Variants in LCOR observed in about 807,000 individuals in gnomAD.
LCOR encodes the protein ligand dependent nuclear receptor corepressor.
In LCOR, 14 loss-of-function variants were observed where a neutral mutation model predicts 64.4. The ratio of observed to expected loss-of-function variants is 0.22; its 90% CI spans 0.14 to 0.34. The LOEUF (loss-of-function observed/expected upper bound fraction) is 0.34. LCOR is among the 10% of genes least tolerant of loss of function. LCOR has a pLI of 1.00. For missense variants in LCOR, 1,686 were observed against 1,765.3 expected (o/e 0.96, Z 0.80); for synonymous variants, 643 against 642.5 (o/e 1.00, Z -0.01).
intron 2 of LCOR, among the ~76,000 whole-genome samples, chr10:96,891,198 C>A (rs1445112085): frequency 6.6e-6 from 1 of 151,914 alleles, no homozygotes; most frequent in Non-Finnish European, 1.5e-5. Context: ...AGTTTTCATA[C>A]TTGTTATAGG....
At chr10:96,956,674 T>C in intron 7 of LCOR, 2 of 985,916 alleles carry the variant, frequency 2.0e-6, no homozygotes, top group Non-Finnish European at 2.4e-6. Flanking sequence ...TGAGATTTTC[T>C]AAGGGTAGAA....
intron 7 of LCOR, among the ~76,000 whole-genome samples, chr10:96,977,107 G>A (rs1390823237): frequency 6.6e-6 from 1 of 152,154 alleles, no homozygotes; most frequent in East Asian, 1.9e-4. Context: ...AACATATCAG[G>A]AACTAAGGAA....
At chr10:96,861,702 C>A (rs1845890659) in intron 2 of LCOR, among the ~76,000 whole-genome samples, 1 of 152,126 alleles carries the variant, frequency 6.6e-6, no homozygotes, top group Non-Finnish European at 1.5e-5. Context: ...TGTGCCATCA[C>A]ACCCGGCTAA....
chr10:96,859,478 C>T (rs1845853768), intron 2 of LCOR, among the ~76,000 whole-genome samples: 2 of 151,934 alleles, frequency 1.3e-5, no homozygotes, highest in African/African-American at 4.8e-5. Flanking sequence ...TCCCAAAGTG[C>T]TAGGATTATA....
At chr10:96,970,748 C>T (rs923955279) in intron 7 of LCOR, among the ~76,000 whole-genome samples, 21 of 151,714 alleles carry the variant, frequency 1.4e-4, no homozygotes, top group Admixed American at 1.3e-4. Context: ...CAGCCTCTGC[C>T]TCCCGAGTTC....
chr10:96,890,504 C>T (rs957833575), intron 2 of LCOR, among the ~76,000 whole-genome samples: 7 of 152,162 alleles, frequency 4.6e-5, no homozygotes, highest in African/African-American at 1.7e-4. Context: ...ATCATGTCAT[C>T]TATAAAAGTA....
chr10:96,967,397 G>A (rs1265411991), intron 7 of LCOR, among the ~76,000 whole-genome samples: 1 of 152,178 alleles, frequency 6.6e-6, no homozygotes, highest in Non-Finnish European at 1.5e-5. Flanking sequence ...CTCCCAAAGT[G>A]CTGGGATTAC....
Position 96,952,203 on chromosome 10 carries a change from G to C in LCOR, c.332+7G>C, listed in dbSNP as rs1564636229. ...CCAGTACTCAAGGGAACGGGTAAGG[G>C]AGAATATTTGTAGCCTTACACAGTT... is the stretch of plus-strand genomic sequence containing the variant. On this transcript the variant is annotated splice_region_variant and intron_variant, in intron 7 of 7. Coordinates refer to ENST00000421806, the MANE Select transcript of LCOR (RefSeq NM_001346516.2). 1.3e-6 allele frequency: 2 copies of C among 1,583,352 alleles called. No homozygotes were observed. The highest frequency in any genetic ancestry group is 4.5e-5 in the East Asian group (2 of 44,730).
At position 96,985,814 on chromosome 10, in the gene LCOR, A is replaced by G. The variant is rs1002956323; in HGVS notation, c.*680A>G. The G allele has an allele frequency of 6.0e-6, 1 of 167,092 alleles. No individual in the cohort carries two copies. Among genetic ancestry groups the G allele is most frequent in the Non-Finnish European group, 1.5e-5 (1 of 68,122 alleles). The allele number at this position is 167,092 out of a possible 1,614,324, so 10.4% of individuals were successfully genotyped here. ...AGCATGTATTCTAAATTATGTGCCC[A>G]TGGGACAAGAGATATGTCACAAGTG... On this transcript the variant is annotated 3_prime_UTR_variant, in exon 8 of 8. Transcript: ENST00000421806.
chr10:96,937,196 G>A (rs1403695581), intron 4 of LCOR, among the ~76,000 whole-genome samples: 1 of 152,166 alleles, frequency 6.6e-6, no homozygotes, highest in East Asian at 1.9e-4. Context: ...GATGGAGACA[G>A]AGATTGGAGT....
At chr10:96,907,050 G>C (rs1453426129) in intron 2 of LCOR, among the ~76,000 whole-genome samples, 1 of 152,190 alleles carries the variant, frequency 6.6e-6, no homozygotes, top group Non-Finnish European at 1.5e-5. Flanking sequence ...GTTCTTGAAT[G>C]TGCTCAGAAT....
chr10:96,961,063 G>A (rs1009530222), intron 7 of LCOR: 32 of 151,974 alleles, frequency 2.1e-4, no homozygotes, highest in Admixed American at 2.0e-3. Flanking sequence ...GGAGTAGGAT[G>A]GAAAAAGCAT....
chr10:96,981,354 C>T lies in LCOR; in HGVS notation c.894C>T (p.Asp298=), dbSNP rs373132958. Residue 298 remains aspartate (D), a synonymous_variant, in exon 8 of 8, where the codon GAC becomes GAT. Coordinates refer to ENST00000421806, the MANE Select transcript of LCOR (RefSeq NM_001346516.2). ...GGCAGACCACTGGACAAGAGCAAGA[C>T]ACAAATGTGAACATATGTGAGGATG... The part of the protein sequence containing the change: ...LEGQTTGQEQ[D]TNVNICEDGK... 5.8e-5 allele frequency: 94 copies of T among 1,613,728 alleles called. No individual in the cohort carries two copies. The highest frequency in any genetic ancestry group is 7.7e-5 in the Non-Finnish European group (91 of 1,179,968).
chr10:96,891,132 G>C (rs536679496), intron 2 of LCOR, among the ~76,000 whole-genome samples: 7 of 152,078 alleles, frequency 4.6e-5, no homozygotes, highest in African/African-American at 1.4e-4. Flanking sequence ...TGTTTGGTAG[G>C]ATTCACCAAT....
chr10:96,983,514 T>C lies in LCOR; in HGVS notation c.3054T>C (p.Ser1018=). ...GCAGCTCTCTTGGGTTGTCGAGTAG[T>C]GGAAGTGGTGATGCTGCTAGGGCAC... The part of the protein sequence containing the change: ...APCSSLGLSS[S]GSGDAARAPK... Residue 1018 remains serine, a synonymous_variant, in exon 8 of 8, where the codon AGT becomes AGC. Transcript: ENST00000421806. This position sits in a 1 kb window ranked among gnomAD's most constrained non-coding sequence, Gnocchi z 4.5. 1 of 1,614,010 alleles carries C rather than the reference T, an allele frequency of 6.2e-7. No homozygotes were observed. The highest frequency in any genetic ancestry group is 8.5e-7 in the Non-Finnish European group (1 of 1,180,008).
chr10:96,938,143 A>T (rs1301297056), intron 4 of LCOR, among the ~76,000 whole-genome samples: 5 of 151,566 alleles, frequency 3.3e-5, no homozygotes, highest in Non-Finnish European at 7.4e-5. Flanking sequence ...TGATTTGTAG[A>T]GACGGGGGTC....
intron 2 of LCOR, among the ~76,000 whole-genome samples, chr10:96,906,367 G>A (rs1007192293): frequency 5.9e-5 from 9 of 152,102 alleles, no homozygotes; most frequent in African/African-American, 2.2e-4. Context: ...TTGAGTTCCC[G>A]GTGAGGTCCA....
Position 96,986,926 on chromosome 10 carries a change from A to G in LCOR, c.*1792A>G, listed in dbSNP as rs1357425938. The G allele has an allele frequency of 2.0e-5, 3 of 152,250 alleles. No homozygotes were observed. The highest frequency in any genetic ancestry group is 4.4e-5 in the Non-Finnish European group (3 of 68,042). The allele number at this position is 152,250 out of a possible 1,614,324, so 9.4% of individuals were successfully genotyped here. A position where few individuals can be genotyped will look rare whatever the true frequency, so the allele number is the denominator to read the frequency against. Reference sequence around the variant, plus strand: ...TTCTGTTAAAGGTTTGCTGTATATCATGGGAACTTCTGATGATTGGATAAG... The same window carrying G: ...TTCTGTTAAAGGTTTGCTGTATATCGTGGGAACTTCTGATGATTGGATAAG... On this transcript the variant is annotated 3_prime_UTR_variant, in exon 8 of 8. Coordinates refer to ENST00000421806, the MANE Select transcript of LCOR (RefSeq NM_001346516.2).
chr10:96,882,612 T>TA (rs1846281407), intron 2 of LCOR, among the ~76,000 whole-genome samples: 1 of 152,200 alleles, frequency 6.6e-6, no homozygotes, highest in Non-Finnish European at 1.5e-5. Context: ...CCAAAGTCCA[T>TA]AATTTATATT....
Sources: allele counts gnomAD v4.1 joint callset (sites outside exome capture counted in the v4.1 genomes callset), GRCh38; gene constraint gnomAD v4.1.1; non-coding constraint Gnocchi (gnomAD v3.1); transcripts MANE v1.5; gene names NCBI Gene and HGNC (gene_info 2026-07-23, HGNC 2026-07-21).